HPSE2: variants seen among roughly 807,000 people sequenced by gnomAD.
HPSE2 encodes inactive heparanase-2.
In HPSE2, 38 loss-of-function variants were observed where a neutral mutation model predicts 60.5. That is an observed-to-expected ratio of 0.63 (90% CI 0.48 to 0.82). The LOEUF (loss-of-function observed/expected upper bound fraction) is 0.82, where lower values mean the gene tolerates loss of function less well. Ranked by LOEUF, HPSE2 falls within the 40% of genes least tolerant of loss-of-function variation. The probability of loss-of-function intolerance (pLI) is 0.00; values close to 1 mark genes in which losing one functional copy is unlikely to be tolerated. For synonymous variants in HPSE2, 295 were observed against 293.2 expected, an observed-to-expected ratio of 1.01 and a Z score of -0.06; for missense variants, 713 against 740.4, an observed-to-expected ratio of 0.96 and a Z score of 0.43.
intron 3 of HPSE2, among the ~76,000 whole-genome samples, chr10:98,883,799 A>T (rs1048362971): frequency 4.6e-5 from 7 of 152,078 alleles, no homozygotes; most frequent in Admixed American, 4.6e-4. Flanking sequence ...GCAAGACACC[A>T]ACTCTAAAAA....
chr10:98,888,721 G>A (rs373462825), intron 3 of HPSE2, among the ~76,000 whole-genome samples: 12 of 152,200 alleles, frequency 7.9e-5, no homozygotes, highest in African/African-American at 2.6e-4. Context: ...ATATCAAAAG[G>A]TGTTTCTCAA....
chr10:99,315,164 C>G, the HPSE2 span, among the ~76,000 whole-genome samples: 1 of 152,150 alleles, frequency 6.6e-6, no homozygotes, highest in Non-Finnish European at 1.5e-5. Flanking sequence ...AGTAAAAGAT[C>G]AGGCAGCAGG....
At chr10:98,698,680 C>A (rs1948306526) in intron 5 of HPSE2, among the ~76,000 whole-genome samples, 1 of 151,932 alleles carries the variant, frequency 6.6e-6, no homozygotes, top group African/African-American at 2.4e-5. Context: ...AAAAACCCTT[C>A]AAAAAATTAA....
chr10:98,802,137 A>C (rs928151550), intron 3 of HPSE2, among the ~76,000 whole-genome samples: 1 of 152,150 alleles, frequency 6.6e-6, no homozygotes, highest in Non-Finnish European at 1.5e-5. Flanking sequence ...GCATATATAG[A>C]GGAATAAAAC....
intron 6 of HPSE2, among the ~76,000 whole-genome samples, chr10:98,681,008 C>T (rs1947773151): frequency 6.6e-6 from 1 of 151,972 alleles, no homozygotes; most frequent in African/African-American, 2.4e-5. Flanking sequence ...AAGTGATCCA[C>T]CCACCTCAGC....
At chr10:98,837,671 G>A (rs1181148843) in intron 3 of HPSE2, among the ~76,000 whole-genome samples, 1 of 151,274 alleles carries the variant, frequency 6.6e-6, no homozygotes, top group Non-Finnish European at 1.5e-5. Flanking sequence ...TCAGCAGATC[G>A]AGACCATTCT....
At chr10:99,167,072 G>A (rs748908808) in intron 2 of HPSE2, among the ~76,000 whole-genome samples, 10 of 151,708 alleles carry the variant, frequency 6.6e-5, no homozygotes, top group East Asian at 1.9e-4. Flanking sequence ...GTACTGTGGC[G>A]TAATCTTGAC....
At position 98,879,772 on chromosome 10, in the gene HPSE2, G is replaced by A. The variant is rs1016140331; in HGVS notation, c.611-135716C>T. Among the ~76,000 whole-genome samples the A allele has an allele frequency of 3.3e-5, 5 of 151,814 alleles. No homozygotes were observed. In the South Asian group the frequency reaches 6.2e-4, roughly 19 times the overall value. ...GTTTTATGGAGCAAACATTTGTGGC[G>A]TTGGTGGACCTCAAGAAAACAGACT... On this transcript the variant is annotated intron_variant, in intron 3 of 11. Coordinates refer to ENST00000370552, the MANE Select transcript of HPSE2 (RefSeq NM_021828.5).
chr10:99,160,882 C>G (rs61883606), intron 2 of HPSE2, among the ~76,000 whole-genome samples: 6 of 121,398 alleles, frequency 4.9e-5, no homozygotes, highest in South Asian at 5.5e-4. Context: ...CTGGGCGACA[C>G]AGCGAGACTC....
At chr10:98,806,304 T>G (rs1183398723) in intron 3 of HPSE2, among the ~76,000 whole-genome samples, 2 of 152,194 alleles carry the variant, frequency 1.3e-5, no homozygotes, top group Non-Finnish European at 2.9e-5. Flanking sequence ...TGAATTAAAG[T>G]TAACTGACTT....
intron 3 of HPSE2, among the ~76,000 whole-genome samples, chr10:98,847,270 T>C (rs1238805238): frequency 5.9e-5 from 9 of 152,226 alleles, no homozygotes; most frequent in Non-Finnish European, 1.2e-4. Flanking sequence ...ACTCATTTAA[T>C]TCTAATCGTA....
At chr10:98,538,070 C>T (rs1943343590) in intron 9 of HPSE2, among the ~76,000 whole-genome samples, 1 of 152,206 alleles carries the variant, frequency 6.6e-6, no homozygotes, top group Admixed American at 6.5e-5. Context: ...CCTGCTTCAC[C>T]TTGTCAATCA....
chr10:98,981,241 A>T (rs558663067), intron 3 of HPSE2, among the ~76,000 whole-genome samples: 1 of 152,288 alleles, frequency 6.6e-6, no homozygotes, highest in South Asian at 2.1e-4. Context: ...TTTTTAAAAC[A>T]ATTTAATTCC....
intron 3 of HPSE2, among the ~76,000 whole-genome samples, chr10:99,060,711 A>G (rs1460705905): frequency 2.6e-5 from 4 of 151,454 alleles, no homozygotes; most frequent in Non-Finnish European, 5.9e-5. Context: ...GTCCATCAAC[A>G]GACTAATGGA....
At chr10:98,983,245 T>C (rs935759556) in intron 3 of HPSE2, among the ~76,000 whole-genome samples, 2 of 152,172 alleles carry the variant, frequency 1.3e-5, no homozygotes, top group Non-Finnish European at 2.9e-5. Context: ...CTCACCATAA[T>C]GTAGAATCAG....
chr10:98,503,217 AAAGAAAAAG>A (rs1201849281), intron 9 of HPSE2, among the ~76,000 whole-genome samples: 5 of 92,968 alleles, frequency 5.4e-5, no homozygotes, highest in African/African-American at 1.8e-4. Context: ...CATCAGAAAA[AAAGAAAAAG>A]AAAAAAAGAA....
In HPSE2 at chr10:98,609,748, CT is replaced by C. The variant is rs534539532; in HGVS notation, c.1320+5155del. 7.3e-3 allele frequency among the ~76,000 whole-genome samples: 1,116 copies of C among 152,092 alleles called. 27 individuals carry two copies. Among genetic ancestry groups the C allele is most frequent in the Admixed American group, 0.048 (730 of 15,270 alleles). ...GATACACATCTAATTAATGGCAGAG[CT>C]AGGACTAGAACTCATGAATCTTACC... On this transcript the variant is annotated intron_variant, in intron 9 of 11. Coordinates refer to ENST00000370552, the MANE Select transcript of HPSE2 (RefSeq NM_021828.5).
intron 9 of HPSE2, among the ~76,000 whole-genome samples, chr10:98,505,669 G>A (rs1942176685): frequency 1.3e-5 from 2 of 152,062 alleles, no homozygotes; most frequent in African/African-American, 4.8e-5. Flanking sequence ...TTCTTTCATG[G>A]ATAAGTCTTT....
At chr10:99,139,628 G>A (rs1399281947) in intron 3 of HPSE2, among the ~76,000 whole-genome samples, 1 of 152,014 alleles carries the variant, frequency 6.6e-6, no homozygotes, top group South Asian at 2.1e-4. Flanking sequence ...TTATCAGCTA[G>A]TTGTAAAACA....
Sources: allele counts gnomAD v4.1 joint callset (sites outside exome capture counted in the v4.1 genomes callset), GRCh38; gene constraint gnomAD v4.1.1; transcripts MANE v1.5; gene names NCBI Gene and HGNC (gene_info 2026-07-23, HGNC 2026-07-21).